EFEMP1: variants seen among roughly 807,000 people sequenced by gnomAD.
EFEMP1 encodes EGF-containing fibulin-like extracellular matrix protein 1.
A neutral mutation model predicts 65.7 loss-of-function variants in EFEMP1; 18 were observed. The observed-to-expected ratio is 0.27, with a 90% CI of 0.19 to 0.41. EFEMP1 has a LOEUF of 0.41. Among genes scored for constraint, EFEMP1 ranks in the 10% least tolerant of loss-of-function variants. The pLI, the probability that EFEMP1 is intolerant of heterozygous loss-of-function variation, is 1.00. For synonymous variants in EFEMP1, 237 were observed against 219.7 expected, an observed-to-expected ratio of 1.08 and a Z score of -0.70; for missense variants, 469 against 624.8, an observed-to-expected ratio of 0.75 and a Z score of 2.66.
At position 55,885,936 on chromosome 2, in the gene EFEMP1, T is replaced by C. The variant is rs1669405873; in HGVS notation, c.518-4202A>G. ...CTCTCTTATGCAACATTTTAATCTC[T>C]GCAATGTTCTTTCCATAATTTGATA... On this transcript the variant is annotated intron_variant, in intron 5 of 11. Transcript: ENST00000355426. This position sits in a 1 kb window ranked among gnomAD's most constrained non-coding sequence, Gnocchi z 4.3. Among the ~76,000 whole-genome samples the C allele has an allele frequency of 6.6e-6, 1 of 152,214 alleles. No homozygotes were observed. Among genetic ancestry groups the C allele is most frequent in the Non-Finnish European group, 1.5e-5 (1 of 68,032 alleles).
intron 5 of EFEMP1, among the ~76,000 whole-genome samples, chr2:55,915,002 A>G (rs903283232): frequency 1.1e-4 from 16 of 152,260 alleles, no homozygotes; most frequent in Non-Finnish European, 2.2e-4. Flanking sequence ...GATTAGCTCA[A>G]TAAGAAATGG....
At position 55,922,870 on chromosome 2, in the gene EFEMP1, G is replaced by C; in HGVS notation, c.-8+29C>G. ...TGGGGCTGCAAAACTCTGTTCTCTA[G>C]AACGTTAAGGCTTTCCCAGTATACT... On this transcript the variant is annotated intron_variant, in intron 2 of 11. Transcript: ENST00000355426. The surrounding 1 kb of genome is among the most constrained non-coding windows in gnomAD (Gnocchi z 5.5). 2 of 1,148,342 alleles carry C rather than the reference G, an allele frequency of 1.7e-6. No individual in the cohort carries two copies. The highest frequency in any genetic ancestry group is 2.2e-6 in the Non-Finnish European group (2 of 922,292). The allele number at this position is 1,148,342 out of a possible 1,614,324, so 71.1% of individuals were successfully genotyped here. A position where few individuals can be genotyped will look rare whatever the true frequency, so the allele number is the denominator to read the frequency against.
At position 55,917,756 on chromosome 2, in the gene EFEMP1, G is replaced by T. The variant is rs756850765; in HGVS notation, c.426C>A (p.Asn142Lys). The change falls in exon 5 of 12, where the codon AAC becomes AAA. Residue 142 changes from asparagine (N) to lysine (K), a missense_variant. Transcript: ENST00000355426. This position sits in a 1 kb window ranked among gnomAD's most constrained non-coding sequence, Gnocchi z 6.3. ...TGRNNFVIRR[N>K]PADPQRIPSN... ...AGGGAATGCGCTGAGGGTCAGCTGG[G>T]TTCCGCCGGATGACAAAGTTATTTC... 145 of 1,614,070 alleles carry T rather than the reference G, an allele frequency of 9.0e-5. No homozygotes were observed. The highest frequency in any genetic ancestry group is 1.3e-4 in the Admixed American group (8 of 60,000).
At chr2:55,881,009 A>G (rs1322812348) in intron 6 of EFEMP1, among the ~76,000 whole-genome samples, 1 of 152,226 alleles carries the variant, frequency 6.6e-6, no homozygotes, top group Non-Finnish European at 1.5e-5. Flanking sequence ...GGCTTGCAGT[A>G]TAAAGAGCCT....
rs1207360180 is a variant in EFEMP1, at chr2:55,886,176, C to T, written c.518-4442G>A. 6.6e-6 allele frequency among the ~76,000 whole-genome samples: 1 copy of T among 152,328 alleles called. No homozygotes were observed. The highest frequency in any genetic ancestry group is 1.9e-4 in the East Asian group (1 of 5,190). ...GACTGAAATTATTTTGAATCTGTCACTCCCTGTGTGATCTAGGGTCATGGT... is the reference window on the plus strand; with the variant it reads ...GACTGAAATTATTTTGAATCTGTCATTCCCTGTGTGATCTAGGGTCATGGT... On this transcript the variant is annotated intron_variant, in intron 5 of 11. Transcript: ENST00000355426. The surrounding 1 kb of genome is among the most constrained non-coding windows in gnomAD (Gnocchi z 4.0).
intron 5 of EFEMP1, among the ~76,000 whole-genome samples, chr2:55,911,477 T>C (rs1670480961): frequency 6.6e-6 from 1 of 151,998 alleles, no homozygotes; most frequent in East Asian, 1.9e-4. Context: ...ATATGTTATA[T>C]AACTATATGT....
At chr2:55,876,513 A>T (rs560877070) in intron 8 of EFEMP1, 110 bp downstream of exon 8, 2 of 1,485,758 alleles carry the variant, frequency 1.3e-6, no homozygotes, top group South Asian at 2.4e-5. Context: ...ATTTTAGAAC[A>T]GAATTCCCAT....
chr2:55,906,443 C>T (rs895872573), intron 5 of EFEMP1, among the ~76,000 whole-genome samples: 13 of 146,908 alleles, frequency 8.8e-5, no homozygotes, highest in Admixed American at 1.4e-4. Flanking sequence ...AGGCTAGTCT[C>T]GAACTCCTGA....
In EFEMP1 at chr2:55,877,592, C is replaced by A. The variant is rs1669085545; in HGVS notation, c.760+154G>T. On this transcript the variant is annotated intron_variant, in intron 7 of 11. Transcript: ENST00000355426. The surrounding 1 kb of genome is among the most constrained non-coding windows in gnomAD (Gnocchi z 4.5). ...GTTCACATCTTGATGTGTTTTAAGACACAGATTGGTTATTATCTTTTAAGC... is the reference window on the plus strand; with the variant it reads ...GTTCACATCTTGATGTGTTTTAAGAAACAGATTGGTTATTATCTTTTAAGC... Among the ~76,000 whole-genome samples, 1 of 152,142 alleles carries A rather than the reference C, an allele frequency of 6.6e-6. No individual in the cohort carries two copies. The highest frequency in any genetic ancestry group is 2.1e-4 in the South Asian group (1 of 4,830).
chr2:55,878,136 C>CAT (rs1371126606), intron 6 of EFEMP1, among the ~76,000 whole-genome samples: 5 of 151,886 alleles, frequency 3.3e-5, no homozygotes, highest in East Asian at 1.9e-4. Flanking sequence ...GAGACTATTG[C>CAT]ATATATATAT....
Position 55,883,102 on chromosome 2 carries a change from G to A in EFEMP1, c.518-1368C>T, listed in dbSNP as rs1172041829. Reference sequence around the variant, plus strand: ...TTAGCTGGGTGTGGAAATGATAAGAGAGATTCTTTCGATAAGAAAGAGGGA... The same window carrying A: ...TTAGCTGGGTGTGGAAATGATAAGAAAGATTCTTTCGATAAGAAAGAGGGA... On this transcript the variant is annotated intron_variant, in intron 5 of 11. Coordinates refer to ENST00000355426, the MANE Select transcript of EFEMP1 (RefSeq NM_001039348.3). The surrounding 1 kb of genome is among the most constrained non-coding windows in gnomAD (Gnocchi z 4.5). Among the ~76,000 whole-genome samples the A allele has an allele frequency of 6.6e-6, 1 of 152,162 alleles. No homozygotes were observed. The highest frequency in any genetic ancestry group is 2.4e-5 in the African/African-American group (1 of 41,440).
chr2:55,911,971 C>A (rs1441655612), intron 5 of EFEMP1, among the ~76,000 whole-genome samples: 1 of 152,022 alleles, frequency 6.6e-6, no homozygotes, highest in African/African-American at 2.4e-5. Context: ...AGGAGTAAAT[C>A]AATTACTTCC....
intron 5 of EFEMP1, among the ~76,000 whole-genome samples, chr2:55,905,717 G>T (rs1670235552): frequency 6.6e-6 from 1 of 152,110 alleles, no homozygotes; most frequent in Non-Finnish European, 1.5e-5. Flanking sequence ...CCAAAGTGCT[G>T]GGATTACAGG....
At chr2:55,920,454 A>G (rs911165269) in intron 3 of EFEMP1, among the ~76,000 whole-genome samples, 3 of 152,230 alleles carry the variant, frequency 2.0e-5, no homozygotes, top group African/African-American at 7.2e-5. Flanking sequence ...AGAATTGCTT[A>G]TGCAGATAGT....
At chr2:55,899,772 C>T (rs1669963332) in intron 5 of EFEMP1, among the ~76,000 whole-genome samples, 1 of 152,156 alleles carries the variant, frequency 6.6e-6, no homozygotes, top group Non-Finnish European at 1.5e-5. Flanking sequence ...AGCTCATTAT[C>T]AGGAAAGTGG....
At chr2:55,869,432 CTATAA>C (rs1668715447) in intron 11 of EFEMP1, among the ~76,000 whole-genome samples, 1 of 151,966 alleles carries the variant, frequency 6.6e-6, no homozygotes, top group Non-Finnish European at 1.5e-5. Context: ...TGTTAAAGAA[CTATAA>C]TATATTCTTT....
Position 55,866,876 on chromosome 2 carries a change from A to T in EFEMP1, c.*197T>A. 1.6e-6 allele frequency: 1 copy of T among 638,318 alleles called. No homozygotes were observed. The highest frequency in any genetic ancestry group is 2.6e-6 in the Non-Finnish European group (1 of 379,404). The allele number at this position is 638,318 out of a possible 1,614,324, so 39.5% of individuals were successfully genotyped here. A position where few individuals can be genotyped will look rare whatever the true frequency, so the allele number is the denominator to read the frequency against. ...TTTAGTGGATTAATGTCTAATTTAC[A>T]TATAGTAATAAAGACAAACTTTGAA... On this transcript the variant is annotated 3_prime_UTR_variant, in exon 12 of 12. Transcript: ENST00000355426.
chr2:55,873,295 A>G lies in EFEMP1; in HGVS notation c.1000+1651T>C, dbSNP rs1003825342. On this transcript the variant is annotated intron_variant, in intron 9 of 11. Transcript: ENST00000355426. This position sits in a 1 kb window ranked among gnomAD's most constrained non-coding sequence, Gnocchi z 4.6. ...GAATGCTAAGTCTTTTTCACAAAAA[A>G]TGTTTTGGCTTAACCAAACATTCTG... Among the ~76,000 whole-genome samples the G allele has an allele frequency of 7.2e-5, 11 of 152,120 alleles. No homozygotes were observed. Among genetic ancestry groups the G allele is most frequent in the Non-Finnish European group, 1.2e-4 (8 of 67,968 alleles).
In EFEMP1 at chr2:55,866,640, TC is replaced by T. The variant is rs1668588202; in HGVS notation, c.*432del. On this transcript the variant is annotated 3_prime_UTR_variant, in exon 12 of 12. Coordinates refer to ENST00000355426, the MANE Select transcript of EFEMP1 (RefSeq NM_001039348.3). Reference sequence around the variant, plus strand: ...AAGAAATATATCTTTATTGACCTTTTCCATTTTCTTACAAAGCAGTTAAAAA... The same window carrying T: ...AAGAAATATATCTTTATTGACCTTTTCATTTTCTTACAAAGCAGTTAAAAA... 1 of 163,796 alleles carries T rather than the reference TC, an allele frequency of 6.1e-6. No individual in the cohort carries two copies. The highest frequency in any genetic ancestry group is 1.3e-5 in the Non-Finnish European group (1 of 74,606). 10.1% of individuals were successfully genotyped at this position (163,796 alleles called of 1,614,324 possible).
Sources: gnomAD v4.1 joint callset for allele counts (sites outside exome capture counted in the v4.1 genomes callset) on GRCh38, gnomAD v4.1.1 for gene constraint, Gnocchi (gnomAD v3.1) non-coding constraint, MANE v1.5 for transcripts, NCBI Gene and HGNC (gene_info 2026-07-23, HGNC 2026-07-21) for gene names.